The following SQOR variants were observed in gnomAD, a reference collection of about 807,000 sequenced individuals.
SQOR encodes sulfide quinone oxidoreductase.
A neutral mutation model predicts 48.6 loss-of-function variants in SQOR; 39 were observed. The ratio of observed to expected loss-of-function variants is 0.80; its 90% confidence interval spans 0.62 to 1.05. The LOEUF (loss-of-function observed/expected upper bound fraction) is 1.05, where lower values mean the gene tolerates loss of function less well. Among genes scored for constraint, SQOR ranks in the 50% least tolerant of loss-of-function variants. SQOR has a pLI of 0.00. For missense variants in SQOR, 561 were observed against 559.9 expected, an observed-to-expected ratio of 1.00 and a Z score of -0.02; for synonymous variants, 220 against 206.2, an observed-to-expected ratio of 1.07 and a Z score of -0.57.
chr15:45,688,983 A>G, intron 8 of SQOR, 56 bp from the exon 9 acceptor site: 6 of 1,445,444 alleles, frequency 4.2e-6, no homozygotes, highest in African/African-American at 1.4e-5. Context: ...CTATAGTGTT[A>G]ATATAGTACC....
intron 7 of SQOR, among the ~76,000 whole-genome samples, chr15:45,685,175 T>C (rs1166665191): frequency 2.0e-5 from 3 of 152,214 alleles, no homozygotes; most frequent in Admixed American, 1.3e-4. Context: ...CAAGCTAATA[T>C]TTCACCTGTG....
Position 45,689,189 on chromosome 15 carries a change from C to A in SQOR, c.1267C>A (p.Pro423Thr). ...GTATCTCATGAAAGCTGACCTGATG[C>A]CTTTCCTGTATTGGAATATGATGCT... The part of the protein sequence containing the change: ...SMYLMKADLM[P>T]FLYWNMMLRG... Residue 423 changes from proline to threonine, a missense_variant, in exon 9 of 10, where the codon CCT becomes ACT. By Grantham distance (38) the Pro-to-Thr change is conservative (BLOSUM62 -1). Coordinates refer to ENST00000260324, the MANE Select transcript of SQOR (RefSeq NM_021199.4). 6.2e-7 allele frequency: 1 copy of A among 1,614,044 alleles called. No individual in the cohort carries two copies. Among genetic ancestry groups the A allele is most frequent in the Non-Finnish European group, 8.5e-7 (1 of 1,179,978 alleles).
intron 1 of SQOR, among the ~76,000 whole-genome samples, chr15:45,650,518 T>C (rs1206397577): frequency 7.2e-5 from 11 of 152,254 alleles, no homozygotes; most frequent in African/African-American, 2.4e-4. Context: ...CAGCAAGATT[T>C]ATGGCAAAGA....
intron 1 of SQOR, among the ~76,000 whole-genome samples, chr15:45,654,625 C>T (rs190809660): frequency 1.2e-4 from 18 of 152,112 alleles, no homozygotes; most frequent in Admixed American, 9.2e-4. Flanking sequence ...CATTGACTGG[C>T]GTGTATACCC....
chr15:45,652,667 C>CTTTTTTTTTT (rs1889516933), intron 1 of SQOR, among the ~76,000 whole-genome samples: 1 of 61,080 alleles, frequency 1.6e-5, no homozygotes, highest in African/African-American at 6.9e-5. Flanking sequence ...TTTTTTTTGC[C>CTTTTTTTTTT]TTCTCGTTAA....
chr15:45,661,884 C>G, intron 2 of SQOR, 71 bp from the exon 3 acceptor site: 1 of 1,475,734 alleles, frequency 6.8e-7, no homozygotes, highest in Non-Finnish European at 9.2e-7. Flanking sequence ...GAATCTAGCC[C>G]ATACTGTTAG....
At chr15:45,663,368 A>C (rs796805404) in intron 3 of SQOR, among the ~76,000 whole-genome samples, 55 of 152,310 alleles carry the variant, frequency 3.6e-4, no homozygotes, top group African/African-American at 1.3e-3. Flanking sequence ...TCTGGGTACC[A>C]GATGAAAGCC....
At chr15:45,670,288 C>T (rs1163168259) in intron 4 of SQOR, among the ~76,000 whole-genome samples, 1 of 152,192 alleles carries the variant, frequency 6.6e-6, no homozygotes, top group East Asian at 1.9e-4. Context: ...CTATGTGGGA[C>T]AGAGTTGGCT....
chr15:45,684,791 C>T (rs1051694342), intron 7 of SQOR, among the ~76,000 whole-genome samples: 2 of 152,262 alleles, frequency 1.3e-5, no homozygotes, highest in Admixed American at 6.5e-5. Context: ...ATATTTAATT[C>T]GATGTTCCAG....
intron 4 of SQOR, 119 bp from the exon 5 acceptor site, chr15:45,673,488 G>A (rs545168415): frequency 9.0e-7 from 1 of 1,105,384 alleles, no homozygotes; most frequent in South Asian, 1.5e-5. Flanking sequence ...TAGGCATGTG[G>A]GTATTGGAGG....
intron 7 of SQOR, among the ~76,000 whole-genome samples, 195 bp downstream of exon 7, chr15:45,682,856 C>T (rs973114914): frequency 6.6e-5 from 10 of 151,918 alleles, no homozygotes; most frequent in African/African-American, 1.5e-4. Context: ...GGTGAAACCC[C>T]GTCTCTACTA....
intron 3 of SQOR, among the ~76,000 whole-genome samples, chr15:45,662,498 C>G (rs563095768): frequency 2.0e-5 from 3 of 152,176 alleles, no homozygotes; most frequent in African/African-American, 7.2e-5. Flanking sequence ...TTCTACCGGT[C>G]GCCTAGCCTC....
At chr15:45,665,197 T>C (rs1889792214) in intron 3 of SQOR, among the ~76,000 whole-genome samples, 2 of 152,232 alleles carry the variant, frequency 1.3e-5, no homozygotes, top group Admixed American at 1.3e-4. Context: ...TGCTGAGTCC[T>C]ACCTATTACT....
intron 4 of SQOR, among the ~76,000 whole-genome samples, chr15:45,671,367 A>G (rs1308807345): frequency 3.3e-5 from 5 of 152,230 alleles, no homozygotes; most frequent in Middle Eastern, 3.4e-3. Flanking sequence ...TGTGTTGGTC[A>G]GGCTGGTCTC....
chr15:45,663,398 T>C (rs1372526940), intron 3 of SQOR, among the ~76,000 whole-genome samples: 2 of 152,182 alleles, frequency 1.3e-5, no homozygotes, highest in East Asian at 3.9e-4. Context: ...AAAATGCACC[T>C]ATGTATCAGA....
At chr15:45,688,829 T>A (rs756091962) in intron 8 of SQOR, among the ~76,000 whole-genome samples, 35 of 152,260 alleles carry the variant, frequency 2.3e-4, no homozygotes, top group South Asian at 4.1e-4. Context: ...TGCACTTTTT[T>A]AATTAGTGTC....
chr15:45,666,861 C>CCTCCCCTCCCCTCCCCTCCT (rs1889832688), intron 3 of SQOR, among the ~76,000 whole-genome samples: 1 of 26,686 alleles, frequency 3.7e-5, no homozygotes, highest in Admixed American at 3.8e-4. Flanking sequence ...TCTCCTCTCC[C>CCTCCCCTCCCCTCCCCTCCT]CTCCCCTCCC....
chr15:45,660,172 G>A (rs573554515), intron 2 of SQOR, among the ~76,000 whole-genome samples: 138 of 152,212 alleles, frequency 9.1e-4, no homozygotes, highest in Non-Finnish European at 1.2e-3. Context: ...GGCATGTACT[G>A]GTTGGGAGCT....
chr15:45,661,965 A>G lies in SQOR; in HGVS notation c.245A>G (p.Tyr82Cys), dbSNP rs764809712. The G allele has an allele frequency of 2.5e-6, 4 of 1,613,896 alleles. No homozygotes were observed. The highest frequency in any genetic ancestry group is 3.4e-6 in the Non-Finnish European group (4 of 1,179,920). ...AIVEPSERHF[Y>C]QPIWTLVGAG... ...TACTTTGTTTCTCAGAGACATTTCT[A>G]CCAGCCAATCTGGACACTGGTGGGT... Residue 82 changes from tyrosine (Y) to cysteine (C), a missense_variant, in exon 3 of 10, where the codon TAC becomes TGC. By Grantham distance (194) the Tyr-to-Cys change is radical. Coordinates refer to ENST00000260324, the MANE Select transcript of SQOR (RefSeq NM_021199.4).
Sources: gnomAD v4.1 joint callset for allele counts (sites outside exome capture counted in the v4.1 genomes callset) on GRCh38, gnomAD v4.1.1 for gene constraint, MANE v1.5 for transcripts, NCBI Gene and HGNC (gene_info 2026-07-23, HGNC 2026-07-21) for gene names.